The following CATSPERD variants were observed in gnomAD, a reference collection of about 807,000 sequenced individuals.
CATSPERD encodes the protein cation channel sperm-associated auxiliary subunit delta.
In CATSPERD, 86 loss-of-function variants were observed where a neutral mutation model predicts 98.1. That is an observed-to-expected ratio of 0.88 (90% CI 0.74 to 1.05). The LOEUF is 1.05. Among genes scored for constraint, CATSPERD ranks in the 50% least tolerant of loss-of-function variants. The probability of loss-of-function intolerance (pLI) is 0.00; values close to 1 mark genes in which losing one functional copy is unlikely to be tolerated. For synonymous variants in CATSPERD, 394 were observed against 390.2 expected (o/e 1.01, Z -0.12); for missense variants, 995 against 1,005.7 (o/e 0.99, Z 0.14).
At position 5,720,814 on chromosome 19, in the gene CATSPERD, G is replaced by T. The variant is rs774271336; in HGVS notation, c.71+6G>T. ...GTCACAGCTCAGCTCTGTCGGTGGG[G>T]CTGCCAGGACTCCTGGGGCTGGGGT... On this transcript the variant is annotated splice_donor_region_variant and intron_variant, in intron 1 of 21. Transcript: ENST00000381624. 3 of 1,597,034 alleles carry T rather than the reference G, an allele frequency of 1.9e-6. 1 individual carries two copies. In the South Asian group the frequency reaches 3.3e-5, roughly 18 times the overall value.
At chr19:5,757,052 C>G (rs2056336778) in intron 13 of CATSPERD, among the ~76,000 whole-genome samples, 1 of 152,030 alleles carries the variant, frequency 6.6e-6, no homozygotes, top group Non-Finnish European at 1.5e-5. Context: ...GAGTTCCAGA[C>G]CAGCCTGGCC....
chr19:5,739,738 G>T (rs1197095102), intron 7 of CATSPERD, among the ~76,000 whole-genome samples: 2 of 151,754 alleles, frequency 1.3e-5, no homozygotes, highest in Non-Finnish European at 2.9e-5. Context: ...TACTTGGAAG[G>T]CTGAGGTGGG....
At chr19:5,745,041 C>T (rs1340070993) in intron 8 of CATSPERD, among the ~76,000 whole-genome samples, 1 of 152,074 alleles carries the variant, frequency 6.6e-6, no homozygotes, top group African/African-American at 2.4e-5. Context: ...CTCCCGGGCT[C>T]AAGTGATTCT....
rs1223043742 is a variant in CATSPERD, at chr19:5,771,143, C to A, written c.1763+71C>A. 2.2e-5 allele frequency: 33 copies of A among 1,509,546 alleles called. No individual in the cohort carries two copies. In the African/African-American group the frequency reaches 3.2e-4, roughly 15 times the overall value. The allele number at this position is 1,509,546 out of a possible 1,614,324, so 93.5% of individuals were successfully genotyped here. ...CTCATGCTCCCTGGCCCTGGGGTAC[C>A]AGCCTGGCCCTCCAGGCTCCCCTAG... is the stretch of plus-strand genomic sequence containing the variant. On this transcript the variant is annotated intron_variant, in intron 19 of 21. Transcript: ENST00000381624.
chr19:5,733,659 G>A (rs1322342698), intron 4 of CATSPERD, among the ~76,000 whole-genome samples, 197 bp from the exon 5 acceptor site: 1 of 151,878 alleles, frequency 6.6e-6, no homozygotes, highest in African/African-American at 2.4e-5. Context: ...GTTTCACTAT[G>A]TTGGCCAGGC....
rs1171721058 is a variant in CATSPERD at position 5,759,112 on chromosome 19, C to T, written c.1395C>T (p.His465=). The T allele has an allele frequency of 6.2e-7, 1 of 1,613,918 alleles. No individual in the cohort carries two copies. The highest frequency in any genetic ancestry group is 1.7e-5 in the Admixed American group (1 of 59,946). The change falls in exon 15 of 22, where the codon CAC becomes CAT. Residue 465 remains histidine (H), a synonymous_variant. Transcript: ENST00000381624. The stretch of plus-strand genomic sequence containing the variant: ...ATATTTTCCTAAAACAGCAGCAGCA[C>T]TGGGGCAGGACCGACTCCAACTTCA... ...KLDIFLKQQQ[H]WGRTDSNFTS...
At chr19:5,744,295 A>T in intron 7 of CATSPERD, 132 bp from the exon 8 acceptor site, 1 of 755,896 alleles carries the variant, frequency 1.3e-6, no homozygotes, top group Non-Finnish European at 2.2e-6. Flanking sequence ...CCATATTTCC[A>T]CAGAGGGCAT....
At chr19:5,762,058 A>ATATATATATATTTTTTT in intron 15 of CATSPERD, among the ~76,000 whole-genome samples, 2 of 10,434 alleles carry the variant, frequency 1.9e-4, no homozygotes, top group Non-Finnish European at 3.6e-4. Context: ...ATATATATAT[A>ATATATATATATTTTTTT]TTTTTTTTTT....
chr19:5,749,038 GT>G, intron 10 of CATSPERD, 62 bp from the exon 11 acceptor site: 1 of 1,441,980 alleles, frequency 6.9e-7, no homozygotes. Context: ...CCACACTTAT[GT>G]TTTTGTCCAC....
chr19:5,749,287 T>C (rs935617163), intron 11 of CATSPERD, 104 bp downstream of exon 11: 54 of 676,952 alleles, frequency 8.0e-5, no homozygotes, highest in Non-Finnish European at 1.3e-4. Context: ...AGGTCAGGAG[T>C]TCAAGACCAG....
chr19:5,740,933 C>T (rs2055950345), intron 7 of CATSPERD, among the ~76,000 whole-genome samples: 1 of 151,234 alleles, frequency 6.6e-6, no homozygotes, highest in African/African-American at 2.4e-5. Flanking sequence ...AAAAATATAA[C>T]AATTAGCCGG....
chr19:5,731,042 T>C (rs894592938), intron 4 of CATSPERD, among the ~76,000 whole-genome samples: 5 of 144,932 alleles, frequency 3.4e-5, no homozygotes, highest in African/African-American at 1.3e-4. Flanking sequence ...TAGTGAGCCG[T>C]GATCGCACCA....
At chr19:5,732,140 A>G (rs1229478850) in intron 4 of CATSPERD, among the ~76,000 whole-genome samples, 3 of 150,704 alleles carry the variant, frequency 2.0e-5, no homozygotes, top group African/African-American at 7.3e-5. Flanking sequence ...CGCCTGGCTA[A>G]TTTTTGTATT....
chr19:5,739,291 T>G (rs2055909479), intron 6 of CATSPERD, 35 bp from the exon 7 acceptor site: 19 of 1,172,014 alleles, frequency 1.6e-5, no homozygotes, highest in African/African-American at 4.6e-5. Context: ...GCTGGCATCT[T>G]TCTTTCATTC....
chr19:5,754,079 T>G, intron 12 of CATSPERD, 53 bp from the exon 13 acceptor site: 1 of 1,297,452 alleles, frequency 7.7e-7, no homozygotes, highest in Non-Finnish European at 1.1e-6. Context: ...TCCTTGCCCT[T>G]TCTTTATGGG....
At chr19:5,774,310 C>T (rs1413088294) in intron 20 of CATSPERD, among the ~76,000 whole-genome samples, 1 of 152,134 alleles carries the variant, frequency 6.6e-6, no homozygotes, top group Non-Finnish European at 1.5e-5. Flanking sequence ...TGGGCTGTCT[C>T]ATTGCAAATT....
chr19:5,733,870 A>AT lies in CATSPERD; in HGVS notation c.291_292insT (p.Val98CysfsTer23), dbSNP rs1353284313. The AT allele has an allele frequency of 1.9e-6, 3 of 1,611,270 alleles. No individual in the cohort carries two copies. Among genetic ancestry groups the AT allele is most frequent in the Non-Finnish European group, 2.5e-6 (3 of 1,178,728 alleles). ...ATAACTTTTAGGTCGGCGTACCAGA[A>AT]GTGACATCAGCACATTTTGCTGGTT... On this transcript the variant is annotated frameshift_variant, in exon 5 of 22. Transcript: ENST00000381624. LOFTEE classifies it high-confidence loss of function.
chr19:5,762,041 CATATATATAT>C (rs71172765), intron 15 of CATSPERD, among the ~76,000 whole-genome samples: 5 of 23,254 alleles, frequency 2.2e-4, no homozygotes, highest in African/African-American at 6.4e-4. Flanking sequence ...CCTGGCCTGC[CATATATATAT>C]ATATATATTT....
Position 5,745,974 on chromosome 19 carries a change from A to G in CATSPERD, c.719A>G (p.Asn240Ser), listed in dbSNP as rs2056085419. 6.2e-7 allele frequency: 1 copy of G among 1,614,120 alleles called. No individual in the cohort carries two copies. Among genetic ancestry groups the G allele is most frequent in the African/African-American group, 1.3e-5 (1 of 75,040 alleles). ...AGTTTCGGGCTGTCTTTTGACTATA[A>G]TGGGACTCTAGACATCCTCATCGCC... ...NRSFGLSFDY[N>S]GTLDILIAPG... The change falls in exon 9 of 22, where the codon AAT becomes AGT. Residue 240 changes from asparagine to serine, a missense_variant. Physicochemically the swap from Asn to Ser is conservative, Grantham distance 46 (BLOSUM62 1). Transcript: ENST00000381624.
Sources: gnomAD v4.1 joint callset for allele counts (sites outside exome capture counted in the v4.1 genomes callset) on GRCh38, gnomAD v4.1.1 for gene constraint, MANE v1.5 for transcripts, NCBI Gene and HGNC (gene_info 2026-07-23, HGNC 2026-07-21) for gene names.